Variants in KLHL1 observed in about 807,000 individuals in gnomAD.
The protein encoded by KLHL1 is kelch-like protein 1.
A neutral mutation model predicts 77.7 loss-of-function variants in KLHL1; 47 were observed. That is an observed-to-expected ratio of 0.60 (90% confidence interval 0.48 to 0.77). The LOEUF is 0.77. Among genes scored for constraint, KLHL1 ranks in the 30% least tolerant of loss-of-function variants. The pLI, the probability that KLHL1 is intolerant of heterozygous loss-of-function variation, is 0.00. For synonymous variants in KLHL1, 360 were observed against 325.2 expected (o/e 1.11, Z -1.15); for missense variants, 925 against 910.8 (o/e 1.02, Z -0.20).
chr13:69,946,654 A>G lies in KLHL1; in HGVS notation c.818-6418T>C, dbSNP rs554003329. On this transcript the variant is annotated intron_variant, in intron 3 of 10. Transcript: ENST00000377844. ...CAGCCTCCCACGTAGGTGAGATTAC[A>G]GGCATGCACCACTAGGTTCAGCTAT... Among the ~76,000 whole-genome samples the G allele has an allele frequency of 5.9e-4, 90 of 152,136 alleles. 1 individual carries two copies. The highest frequency in any genetic ancestry group is 1.1e-3 in the Non-Finnish European group (75 of 68,024).
chr13:70,053,589 C>T (rs955972512), intron 1 of KLHL1, among the ~76,000 whole-genome samples: 1 of 151,964 alleles, frequency 6.6e-6, no homozygotes, highest in African/African-American at 2.4e-5. Context: ...AGTGGTAAGA[C>T]ATTTCTGTGA....
chr13:69,821,587 T>C (rs888013769), intron 6 of KLHL1, among the ~76,000 whole-genome samples: 2 of 152,150 alleles, frequency 1.3e-5, no homozygotes, highest in African/African-American at 2.4e-5. Flanking sequence ...AGTGCTGGGA[T>C]TACAGGGGCG....
chr13:69,857,025 C>T (rs1879945234), intron 5 of KLHL1, among the ~76,000 whole-genome samples: 1 of 152,002 alleles, frequency 6.6e-6, no homozygotes, highest in Non-Finnish European at 1.5e-5. Flanking sequence ...CCTTTAATGG[C>T]TCCTCCAATG....
intron 1 of KLHL1, among the ~76,000 whole-genome samples, chr13:70,030,177 CA>C (rs1022950815): frequency 2.6e-5 from 4 of 152,104 alleles, no homozygotes; most frequent in African/African-American, 9.7e-5. Flanking sequence ...CAACATTAGA[CA>C]GATCAACGAG....
chr13:69,877,473 AT>A (rs148676834), intron 5 of KLHL1, among the ~76,000 whole-genome samples: 11 of 149,370 alleles, frequency 7.4e-5, no homozygotes, highest in East Asian at 3.9e-4. Context: ...ATATATATAT[AT>A]TTTTTTTTCA....
intron 1 of KLHL1, among the ~76,000 whole-genome samples, chr13:69,981,958 G>T (rs562557392): frequency 6.6e-6 from 1 of 151,970 alleles, no homozygotes; most frequent in South Asian, 2.1e-4. Flanking sequence ...TCAGAAATAG[G>T]CAATATAAAT....
chr13:69,762,078 G>T (rs1200951300), intron 7 of KLHL1, among the ~76,000 whole-genome samples: 2 of 152,056 alleles, frequency 1.3e-5, no homozygotes, highest in African/African-American at 4.8e-5. Flanking sequence ...CCATGCAAGA[G>T]GCCCAATGCT....
chr13:69,813,140 A>G (rs1877960713), intron 6 of KLHL1, among the ~76,000 whole-genome samples: 1 of 152,144 alleles, frequency 6.6e-6, no homozygotes, highest in African/African-American at 2.4e-5. Context: ...AATACTATGC[A>G]GCCATGAAAA....
chr13:69,870,310 G>T (rs1428574850), intron 5 of KLHL1, among the ~76,000 whole-genome samples: 1 of 152,004 alleles, frequency 6.6e-6, no homozygotes, highest in Non-Finnish European at 1.5e-5. Context: ...TCTCTCCAGA[G>T]AACTAATAGA....
intron 1 of KLHL1, among the ~76,000 whole-genome samples, chr13:70,081,534 C>G (rs775080106): frequency 5.3e-5 from 8 of 152,162 alleles, no homozygotes; most frequent in Non-Finnish European, 1.0e-4. Flanking sequence ...GCTCTCGATT[C>G]CTGGAGGTCA....
chr13:69,838,656 G>T (rs779537413), intron 6 of KLHL1, among the ~76,000 whole-genome samples: 81 of 151,742 alleles, frequency 5.3e-4, no homozygotes, highest in Non-Finnish European at 1.0e-3. Context: ...AATTTGCCTT[G>T]CATTTCACAT....
chr13:69,912,766 C>CT (rs935361983), intron 4 of KLHL1, among the ~76,000 whole-genome samples: 8 of 152,156 alleles, frequency 5.3e-5, no homozygotes, highest in Non-Finnish European at 8.8e-5. Context: ...CTAGCCTTTT[C>CT]TTTTTTTAGC....
intron 4 of KLHL1, among the ~76,000 whole-genome samples, chr13:69,888,259 C>A (rs545448183): frequency 2.6e-5 from 4 of 152,072 alleles, no homozygotes; most frequent in African/African-American, 4.8e-5. Context: ...TTTAATATAA[C>A]CACAATGGGG....
chr13:69,876,265 T>C (rs1346645171), intron 5 of KLHL1, among the ~76,000 whole-genome samples: 1 of 152,176 alleles, frequency 6.6e-6, no homozygotes, highest in Non-Finnish European at 1.5e-5. Flanking sequence ...TTTCTAACTG[T>C]TTTTATAAAT....
intron 4 of KLHL1, among the ~76,000 whole-genome samples, chr13:69,898,643 T>G (rs1348942396): frequency 6.6e-6 from 1 of 152,220 alleles, no homozygotes; most frequent in Non-Finnish European, 1.5e-5. Context: ...TATGTACTTC[T>G]GCTCATCTTT....
chr13:69,719,209 T>A (rs9599500), intron 9 of KLHL1, among the ~76,000 whole-genome samples, 160 bp downstream of exon 9: 714 of 36,918 alleles, frequency 0.019, 6 homozygotes, highest in African/African-American at 0.035. Flanking sequence ...TGTGTGTGTG[T>A]GAGAGAGAGA....
chr13:69,752,912 A>G (rs1222996585), intron 7 of KLHL1, among the ~76,000 whole-genome samples: 1 of 152,172 alleles, frequency 6.6e-6, no homozygotes, highest in East Asian at 1.9e-4. Context: ...TTTGCACCAA[A>G]GCCATGCTTC....
intron 10 of KLHL1, among the ~76,000 whole-genome samples, chr13:69,705,027 A>G (rs548579069): frequency 5.9e-4 from 90 of 151,890 alleles, no homozygotes; most frequent in African/African-American, 2.1e-3. Context: ...ACTCCCAGCC[A>G]GAAACTATAC....
chr13:70,010,111 A>T (rs1885497665), intron 1 of KLHL1, among the ~76,000 whole-genome samples: 1 of 152,178 alleles, frequency 6.6e-6, no homozygotes, highest in Non-Finnish European at 1.5e-5. Flanking sequence ...AGAACAAAAG[A>T]GAGTGCAATA....
Sources: gnomAD v4.1 joint callset for allele counts (sites outside exome capture counted in the v4.1 genomes callset) on GRCh38, gnomAD v4.1.1 for gene constraint, MANE v1.5 for transcripts, NCBI Gene and HGNC (gene_info 2026-07-23, HGNC 2026-07-21) for gene names.